Variants in RAPGEF6 observed in about 807,000 individuals in gnomAD.
RAPGEF6 encodes PDZ domain containing guanine nucleotide exchange factor (GEF) 2.
In RAPGEF6, 56 loss-of-function variants were observed where a neutral mutation model predicts 171.4. The ratio of observed to expected loss-of-function variants is 0.33; its 90% CI spans 0.26 to 0.41. The LOEUF (loss-of-function observed/expected upper bound fraction) is 0.41. Ranked by LOEUF, RAPGEF6 falls within the 10% of genes least tolerant of loss-of-function variation. RAPGEF6 has a pLI of 1.00. For synonymous variants in RAPGEF6, 692 were observed against 650.1 expected (o/e 1.06, Z -0.98); for missense variants, 1,674 against 1,921.4 (o/e 0.87, Z 2.41).
rs1363887210 is a variant in RAPGEF6 at position 131,442,450 on chromosome 5, G to A, written c.3509C>T (p.Ala1170Val). 1 of 1,614,142 alleles carries A rather than the reference G, an allele frequency of 6.2e-7. No homozygotes were observed. ...TACTCTGTGGGGTTGATGCAAGTGGGCTTTAGTTGTTTGGCCAGCTGACCT... is the reference window on the plus strand; with the variant it reads ...TACTCTGTGGGGTTGATGCAAGTGGACTTTAGTTGTTTGGCCAGCTGACCT... ...PMRSAGQTTK[A>V]HLHQPHRVSQ... The change falls in exon 23 of 28, where the codon GCC becomes GTC. Residue 1170 changes from alanine to valine, a missense_variant. Ala to Val is a moderately conservative substitution (Grantham distance 64). Around this residue, in one of 3 missense-constraint regions of RAPGEF6, gnomAD observed 552 missense variants for 574.2 expected, o/e 0.96. Coordinates refer to ENST00000509018, the MANE Select transcript of RAPGEF6 (RefSeq NM_016340.6).
chr5:131,604,189 A>G (rs533858879), intron 2 of RAPGEF6, among the ~76,000 whole-genome samples: 42 of 152,326 alleles, frequency 2.8e-4, no homozygotes, highest in African/African-American at 1.0e-3. Context: ...AGCATTTGGC[A>G]TAATAAATAT....
At chr5:131,544,687 A>G (rs1760392300) in intron 6 of RAPGEF6, among the ~76,000 whole-genome samples, 1 of 152,200 alleles carries the variant, frequency 6.6e-6, no homozygotes, top group African/African-American at 2.4e-5. Flanking sequence ...TTCATTTAAA[A>G]AAAATTTTTT....
At chr5:131,543,381 T>C (rs1387722753) in intron 6 of RAPGEF6, among the ~76,000 whole-genome samples, 1 of 152,178 alleles carries the variant, frequency 6.6e-6, no homozygotes, top group East Asian at 1.9e-4. Context: ...TCAAAATCTC[T>C]TAAAATGAAA....
chr5:131,427,328 G>C, intron 27 of RAPGEF6, 37 bp from the exon 28 acceptor site: 2 of 1,506,920 alleles, frequency 1.3e-6, no homozygotes, highest in African/African-American at 1.4e-5. Flanking sequence ...TGGCAGATCA[G>C]CATATTAATG....
intron 1 of RAPGEF6, among the ~76,000 whole-genome samples, chr5:131,632,999 A>AT (rs771298014): frequency 1.3e-5 from 2 of 152,236 alleles, no homozygotes; most frequent in Non-Finnish European, 2.9e-5. Context: ...AGTGGCCAAC[A>AT]TAACTTTATG....
intron 6 of RAPGEF6, among the ~76,000 whole-genome samples, chr5:131,533,362 T>C (rs1297202206): frequency 6.6e-6 from 1 of 152,140 alleles, no homozygotes; most frequent in African/African-American, 2.4e-5. Context: ...GGAAGCCATA[T>C]TTCCTATTAT....
At chr5:131,474,053 G>GT (rs1754931418) in intron 16 of RAPGEF6, among the ~76,000 whole-genome samples, 1 of 152,240 alleles carries the variant, frequency 6.6e-6, no homozygotes, top group African/African-American at 2.4e-5. Context: ...ATCTGTAAAT[G>GT]TGAGCAACAC....
intron 1 of RAPGEF6, 105 bp from the exon 2 acceptor site, chr5:131,604,798 C>A: frequency 2.3e-6 from 3 of 1,329,378 alleles, no homozygotes; most frequent in South Asian, 1.6e-5. Context: ...TATGGCAAAG[C>A]AGTTAACTAT....
chr5:131,610,025 T>A (rs1764846323), intron 1 of RAPGEF6, among the ~76,000 whole-genome samples: 1 of 152,148 alleles, frequency 6.6e-6, no homozygotes, highest in African/African-American at 2.4e-5. Flanking sequence ...TGTAATAACC[T>A]TATAAAGGCA....
chr5:131,572,650 G>A (rs1291221777), intron 4 of RAPGEF6, among the ~76,000 whole-genome samples: 1 of 152,088 alleles, frequency 6.6e-6, no homozygotes, highest in South Asian at 2.1e-4. Context: ...GACGCCTACT[G>A]GAAGCCTGGT....
chr5:131,608,788 CTTGCTTCCTCCCTT>C (rs1295276973), intron 1 of RAPGEF6, among the ~76,000 whole-genome samples: 1 of 151,842 alleles, frequency 6.6e-6, no homozygotes, highest in Non-Finnish European at 1.5e-5. Context: ...GTTTCTCTCT[CTTGCTTCCTCCCTT>C]ACCACGTGAT....
chr5:131,613,444 C>CATATATATAT (rs36091475), intron 1 of RAPGEF6, among the ~76,000 whole-genome samples: 18 of 149,386 alleles, frequency 1.2e-4, no homozygotes, highest in African/African-American at 3.9e-4. Flanking sequence ...TCTCTCTCTT[C>CATATATATAT]ATATATATAT....
At position 131,635,069 on chromosome 5, in the gene RAPGEF6, C is replaced by A; in HGVS notation, c.-39G>T. The A allele has an allele frequency of 1.3e-6, 2 of 1,572,132 alleles. No homozygotes were observed. The highest frequency in any genetic ancestry group is 2.3e-5 in the South Asian group (2 of 87,664). Reference sequence around the variant, plus strand: ...GTACTCCGCAGCCTGCCCTTAGCAGCCCACGCCACAGTTCATTCACACTAG... The same window carrying A: ...GTACTCCGCAGCCTGCCCTTAGCAGACCACGCCACAGTTCATTCACACTAG... On this transcript the variant is annotated 5_prime_UTR_variant, in exon 1 of 28. Transcript: ENST00000509018.
intron 19 of RAPGEF6, among the ~76,000 whole-genome samples, chr5:131,459,727 TA>T (rs1753781070): frequency 1.3e-5 from 2 of 152,072 alleles, no homozygotes; most frequent in East Asian, 1.9e-4. Flanking sequence ...CAAGATAAAT[TA>T]AAAAAATTAG....
At chr5:131,543,682 C>T (rs945408572) in intron 6 of RAPGEF6, among the ~76,000 whole-genome samples, 3 of 152,170 alleles carry the variant, frequency 2.0e-5, no homozygotes, top group Non-Finnish European at 2.9e-5. Flanking sequence ...GAACTGTCCT[C>T]ATCATTCAGT....
chr5:131,446,633 G>A lies in RAPGEF6; in HGVS notation c.3271C>T (p.Arg1091Cys), dbSNP rs868107184. Residue 1091 changes from arginine (R) to cysteine (C), a missense_variant, in exon 22 of 28, where the codon CGC (arginine) becomes TGC (cysteine). This residue lies in a region of RAPGEF6 where 1,116 missense variants were observed against 1,321.5 expected (regional missense o/e 0.84). Coordinates refer to ENST00000509018, the MANE Select transcript of RAPGEF6 (RefSeq NM_016340.6). ...VQGGAHKKRA[R>C]RSSLLNAKKL... Reference sequence around the variant, plus strand: ...TTGGCATTAAGCAGAGAGCTGCGGCGTGCCCTTTTTTTGTGAGCACCTCCC... The same window carrying A: ...TTGGCATTAAGCAGAGAGCTGCGGCATGCCCTTTTTTTGTGAGCACCTCCC... 1.5e-5 allele frequency: 25 copies of A among 1,614,174 alleles called. No individual in the cohort carries two copies. The highest frequency in any genetic ancestry group is 5.0e-5 in the Admixed American group (3 of 60,018).
At chr5:131,530,223 C>G (rs1759283890) in intron 6 of RAPGEF6, among the ~76,000 whole-genome samples, 1 of 151,186 alleles carries the variant, frequency 6.6e-6, no homozygotes, top group African/African-American at 2.4e-5. Flanking sequence ...AGCATGAGCT[C>G]AGACTTCTCA....
At position 131,426,756 on chromosome 5, in the gene RAPGEF6, G is replaced by A. The variant is rs1751415105; in HGVS notation, c.*510C>T. The A allele has an allele frequency of 1.2e-5, 2 of 170,496 alleles. No homozygotes were observed. Among genetic ancestry groups the A allele is most frequent in the South Asian group, 1.5e-4 (1 of 6,558 alleles). The allele number at this position is 170,496 out of a possible 1,614,324, so 10.6% of individuals were successfully genotyped here. ...TTGGTCAGACCAGAGACAATTTTATGACCTCAAACATGAATATCAGCTAAC... is the reference window on the plus strand; with the variant it reads ...TTGGTCAGACCAGAGACAATTTTATAACCTCAAACATGAATATCAGCTAAC... On this transcript the variant is annotated 3_prime_UTR_variant, in exon 28 of 28. Coordinates refer to ENST00000509018, the MANE Select transcript of RAPGEF6 (RefSeq NM_016340.6).
rs112735403 is a variant in RAPGEF6 at position 131,463,416 on chromosome 5, T to C, written c.2480+625A>G. Among the ~76,000 whole-genome samples the C allele has an allele frequency of 6.3e-3, 952 of 152,064 alleles. 6 individuals are homozygous for C. Among genetic ancestry groups the C allele is most frequent in the African/African-American group, 0.022 (901 of 41,476 alleles). ...CAACACGGTGAAACCTCGTCTCTAC[T>C]AAAAATACAAAAATTCGCCAGGCAT... is the stretch of plus-strand genomic sequence containing the variant. On this transcript the variant is annotated intron_variant, in intron 18 of 27. Coordinates refer to ENST00000509018, the MANE Select transcript of RAPGEF6 (RefSeq NM_016340.6).
Sources: allele counts gnomAD v4.1 joint callset (sites outside exome capture counted in the v4.1 genomes callset), GRCh38; gene constraint gnomAD v4.1.1; regional missense constraint gnomAD v4.1.1; transcripts MANE v1.5; gene names NCBI Gene and HGNC (gene_info 2026-07-23, HGNC 2026-07-21).